TENM2: variants seen among roughly 807,000 people sequenced by gnomAD.
TENM2 encodes the protein teneurin-2.
TENM2 carries 52 observed loss-of-function variants against 245.2 expected under a neutral mutation model. The ratio of observed to expected loss-of-function variants is 0.21; its 90% CI spans 0.17 to 0.27. TENM2 has a LOEUF of 0.27. Among genes scored for constraint, TENM2 ranks in the 10% least tolerant of loss-of-function variants. The probability of loss-of-function intolerance (pLI) is 1.00; values close to 1 mark genes in which losing one functional copy is unlikely to be tolerated. For synonymous variants in TENM2, 1,363 were observed against 1,438.9 expected (o/e 0.95, Z 1.19); for missense variants, 3,046 against 3,666.8 (o/e 0.83, Z 4.37).
chr5:167,002,708 G>T, the TENM2 span, among the ~76,000 whole-genome samples: 1 of 151,718 alleles, frequency 6.6e-6, no homozygotes, highest in Non-Finnish European at 1.5e-5. Context: ...AGGAGTTCAA[G>T]TCTGCAATGA....
chr5:167,882,230 C>T (rs926895408), intron 3 of TENM2, among the ~76,000 whole-genome samples: 16 of 152,294 alleles, frequency 1.1e-4, no homozygotes, highest in East Asian at 3.9e-4. Flanking sequence ...ATACCCTTTA[C>T]GCCCACTGTT....
chr5:167,929,755 G>A (rs543954255), intron 3 of TENM2, among the ~76,000 whole-genome samples: 86 of 152,242 alleles, frequency 5.6e-4, no homozygotes, highest in African/African-American at 2.0e-3. Flanking sequence ...AGATTCCCTC[G>A]AATTGCTACA....
Position 168,203,709 on chromosome 5 carries a change from G to A in TENM2, c.3451G>A (p.Glu1151Lys), listed in dbSNP as rs199730740. ...TTCAGTGTCTGTCGGGTTTGAATATGAGACCTGTCCCAGTCTAATTCTCTG... is the reference window on the plus strand; with the variant it reads ...TTCAGTGTCTGTCGGGTTTGAATATAAGACCTGTCCCAGTCTAATTCTCTG... The change falls in exon 18 of 29, where the codon GAG (glutamate) becomes AAG (lysine). Residue 1151 changes from glutamate to lysine, a missense_variant. By Grantham distance (56) the Glu-to-Lys change is moderately conservative (BLOSUM62 1). Coordinates refer to ENST00000518659, the Ensembl canonical transcript of TENM2. 344 of 1,610,264 alleles carry A rather than the reference G, an allele frequency of 2.1e-4. 1 individual carries two copies. The highest frequency in any genetic ancestry group is 8.5e-6 in the Non-Finnish European group (10 of 1,177,240).
the TENM2 span, among the ~76,000 whole-genome samples, chr5:167,148,209 A>T: frequency 3.6e-4 from 55 of 152,336 alleles, no homozygotes; most frequent in African/African-American, 1.3e-3. Context: ...TAAATATGGC[A>T]TGCTGCTGCT....
chr5:167,053,606 C>A, the TENM2 span, among the ~76,000 whole-genome samples: 2 of 152,116 alleles, frequency 1.3e-5, no homozygotes, highest in East Asian at 1.9e-4. Flanking sequence ...CAGAGTGGAG[C>A]ATGCCTGCAG....
At chr5:167,930,770 T>TAA (rs199742305) in intron 3 of TENM2, among the ~76,000 whole-genome samples, 2 of 150,046 alleles carry the variant, frequency 1.3e-5, no homozygotes, top group East Asian at 1.9e-4. Context: ...TTTTTTTTTT[T>TAA]TAAAAAAGCA....
intron 4 of TENM2, among the ~76,000 whole-genome samples, chr5:167,989,484 G>A (rs571216862): frequency 1.5e-3 from 231 of 152,264 alleles, no homozygotes; most frequent in African/African-American, 5.3e-3. Flanking sequence ...TGGCTGAAGC[G>A]TGAGTGCATA....
At chr5:168,025,584 T>C (rs1360408345) in intron 5 of TENM2, among the ~76,000 whole-genome samples, 3 of 152,188 alleles carry the variant, frequency 2.0e-5, no homozygotes, top group African/African-American at 7.2e-5. Context: ...TGTGGCTACA[T>C]TGGGAAATAG....
At chr5:168,023,316 C>G (rs1172151202) in intron 5 of TENM2, among the ~76,000 whole-genome samples, 1 of 152,212 alleles carries the variant, frequency 6.6e-6, no homozygotes, top group Admixed American at 6.5e-5. Context: ...AGCATTCCCC[C>G]CATCCAGCTG....
the TENM2 span, among the ~76,000 whole-genome samples, chr5:166,986,127 G>A: frequency 1.3e-5 from 2 of 152,132 alleles, no homozygotes; most frequent in South Asian, 2.1e-4. Flanking sequence ...GGACAGGTGA[G>A]GTGCAAAACA....
At chr5:167,776,258 G>T (rs1400253929) in intron 2 of TENM2, among the ~76,000 whole-genome samples, 1 of 150,038 alleles carries the variant, frequency 6.7e-6, no homozygotes. Flanking sequence ...GTAAAGCAAG[G>T]AGTCATAAAA....
chr5:167,225,962 A>C, the TENM2 span, among the ~76,000 whole-genome samples: 1 of 151,976 alleles, frequency 6.6e-6, no homozygotes, highest in Non-Finnish European at 1.5e-5. Flanking sequence ...ATAGTTGTTC[A>C]TAATAGTGTC....
chr5:167,883,920 A>C (rs924019887), intron 3 of TENM2, among the ~76,000 whole-genome samples: 1 of 152,186 alleles, frequency 6.6e-6, no homozygotes, highest in Non-Finnish European at 1.5e-5. Context: ...TTCAACAGAA[A>C]TTATAGCCCC....
intron 2 of TENM2, among the ~76,000 whole-genome samples, chr5:167,673,891 T>C (rs958067452): frequency 6.6e-6 from 1 of 152,118 alleles, no homozygotes. Context: ...CTGCAGACTC[T>C]TTTGTGTCTA....
intron 3 of TENM2, among the ~76,000 whole-genome samples, chr5:167,901,043 GT>G (rs34232363): frequency 0.43 from 64,610 of 151,948 alleles, 18,667 homozygotes; most frequent in African/African-American, 0.83. Flanking sequence ...AATTAGATAT[GT>G]TTTTTCCTAC....
At chr5:167,849,486 A>G (rs1161155009) in intron 2 of TENM2, among the ~76,000 whole-genome samples, 1 of 152,112 alleles carries the variant, frequency 6.6e-6, no homozygotes, top group Admixed American at 6.5e-5. Context: ...CCCACCAGCA[A>G]CCAATCAGTT....
chr5:167,296,768 TGCCCTGCAAAA>T (rs1437852633), intron 1 of TENM2, among the ~76,000 whole-genome samples: 3 of 152,236 alleles, frequency 2.0e-5, no homozygotes, highest in Admixed American at 2.0e-4. Context: ...TCCATTTGTC[TGCCCTGCAAAA>T]GCTCTGCAAA....
the TENM2 span, among the ~76,000 whole-genome samples, chr5:167,126,127 A>T: frequency 6.6e-6 from 1 of 152,206 alleles, no homozygotes; most frequent in African/African-American, 2.4e-5. Flanking sequence ...TCAAAATGTC[A>T]TACAGATATT....
intron 2 of TENM2, among the ~76,000 whole-genome samples, chr5:167,674,927 C>T (rs1223576354): frequency 6.6e-6 from 1 of 152,050 alleles, no homozygotes; most frequent in Non-Finnish European, 1.5e-5. Flanking sequence ...AGCTCTAGCC[C>T]CAGACAACTC....
Sources: gnomAD v4.1 joint callset for allele counts (sites outside exome capture counted in the v4.1 genomes callset) on GRCh38, gnomAD v4.1.1 for gene constraint, MANE v1.5 for transcripts, NCBI Gene and HGNC (gene_info 2026-07-23, HGNC 2026-07-21) for gene names.